CPEB3: variants seen among roughly 807,000 people sequenced by gnomAD.
CPEB3 encodes the protein cytoplasmic polyadenylation element-binding protein 3.
In CPEB3, 20 loss-of-function variants were observed where a neutral mutation model predicts 67.2. The ratio of observed to expected loss-of-function variants is 0.30; its 90% CI spans 0.21 to 0.43. The LOEUF is 0.43. Ranked by LOEUF, CPEB3 falls within the 20% of genes least tolerant of loss-of-function variation. CPEB3 has a pLI of 1.00. For synonymous variants in CPEB3, 376 were observed against 393.1 expected, an observed-to-expected ratio of 0.96 and a Z score of 0.51; for missense variants, 746 against 968.6, an observed-to-expected ratio of 0.77 and a Z score of 3.05.
At position 92,240,196 on chromosome 10, in the gene CPEB3, G is replaced by T. The variant is rs1362235512; in HGVS notation, c.155C>A (p.Ala52Glu). ...AGCGGCTGGGCTGAGGGCCGGCACT[G>T]CGCTGTTTTCCTCCGGCTTGGGGGT... ...SETPKPEENSAVPALSPAAAP... is the reference protein window; with the variant it reads ...SETPKPEENSEVPALSPAAAP... The change falls in exon 2 of 10, where the codon GCA (alanine) becomes GAA (glutamate). Residue 52 changes from alanine to glutamate, a missense_variant. Physicochemically the swap from Ala to Glu is moderately radical, Grantham distance 107. Transcript: ENST00000265997. 1 of 1,519,786 alleles carries T rather than the reference G, an allele frequency of 6.6e-7. No homozygotes were observed. Among genetic ancestry groups the T allele is most frequent in the East Asian group, 2.4e-5 (1 of 41,062 alleles). The allele number at this position is 1,519,786 out of a possible 1,614,324, so 94.1% of individuals were successfully genotyped here. A position where few individuals can be genotyped will look rare whatever the true frequency, so the allele number is the denominator to read the frequency against.
chr10:92,240,280 T>A lies in CPEB3; in HGVS notation c.71A>T (p.Gln24Leu), dbSNP rs1564900333. ...TACGCTGGACTCAGGTTGGGGCTGC[T>A]GCTGCTGCCGCTGCTGCTGCTGGGG... is the stretch of plus-strand genomic sequence containing the variant. ...PQPQQQQRQQ[Q>L]QPQPESSVSE... The change falls in exon 2 of 10, where the codon CAG becomes CTG. Residue 24 changes from glutamine to leucine, a missense_variant. This residue lies in a region of CPEB3 where 643 missense variants were observed against 717.5 expected (regional missense o/e 0.90). Coordinates refer to ENST00000265997, the MANE Select transcript of CPEB3 (RefSeq NM_014912.5). The A allele has an allele frequency of 1.5e-5, 23 of 1,517,386 alleles. No homozygotes were observed. The South Asian group carries it at 2.9e-4, about 19-fold the overall frequency. The allele number at this position is 1,517,386 out of a possible 1,614,324, so 94.0% of individuals were successfully genotyped here. A position where few individuals can be genotyped will look rare whatever the true frequency, so the allele number is the denominator to read the frequency against.
rs566644531 is a variant in CPEB3 at position 92,185,780 on chromosome 10, T to C, written c.1166-4761A>G. Among the ~76,000 whole-genome samples, 28 of 152,320 alleles carry C rather than the reference T, an allele frequency of 1.8e-4. No individual in the cohort carries two copies. The South Asian group carries it at 3.9e-3, about 21-fold the overall frequency. ...TACTGGGTTTTATTTCCCACTAACT[T>C]TCTCTATAAAGTTAGAGAGACATTG... is the stretch of plus-strand genomic sequence containing the variant. On this transcript the variant is annotated intron_variant, in intron 3 of 9. Coordinates refer to ENST00000265997, the MANE Select transcript of CPEB3 (RefSeq NM_014912.5).
At chr10:92,112,985 A>G (rs1844826875) in intron 6 of CPEB3, among the ~76,000 whole-genome samples, 1 of 152,232 alleles carries the variant, frequency 6.6e-6, no homozygotes, top group Admixed American at 6.5e-5. Flanking sequence ...GATAATGGCT[A>G]TTCGTTTTTA....
intron 7 of CPEB3, among the ~76,000 whole-genome samples, chr10:92,109,405 A>T (rs1844622047): frequency 6.6e-6 from 1 of 151,968 alleles, no homozygotes; most frequent in South Asian, 2.1e-4. Flanking sequence ...GGCACGTGCC[A>T]CCACCCCCAG....
intron 9 of CPEB3, among the ~76,000 whole-genome samples, chr10:92,061,175 T>C (rs1842328442): frequency 6.6e-6 from 1 of 152,040 alleles, no homozygotes; most frequent in African/African-American, 2.4e-5. Context: ...TCCCAGCACT[T>C]TGGGAGGCCA....
chr10:92,175,471 C>A (rs1848183676), intron 4 of CPEB3, among the ~76,000 whole-genome samples: 1 of 151,964 alleles, frequency 6.6e-6, no homozygotes, highest in Non-Finnish European at 1.5e-5. Flanking sequence ...AGAACTCCCG[C>A]ATCATATGAT....
chr10:92,073,642 CTTG>C (rs1384067017), intron 9 of CPEB3, among the ~76,000 whole-genome samples: 1 of 151,892 alleles, frequency 6.6e-6, no homozygotes, highest in Non-Finnish European at 1.5e-5. Context: ...AGATGAGGGT[CTTG>C]TTATGTTGCC....
rs1410207128 is a variant in CPEB3, at chr10:92,258,628, ATATATATATATATATATATATATATAT to A, written c.-11-18294_-11-18268del. On this transcript the variant is annotated intron_variant, in intron 1 of 9. Transcript: ENST00000265997. ...CAGACTTCAATTATATTTTTTGAAT[ATATATATATATATATATATATATATAT>A]ATATATATATATATATATATATATT... is the stretch of plus-strand genomic sequence containing the variant. Among the ~76,000 whole-genome samples, 33 of 84,186 alleles carry A rather than the reference ATATATATATATATATATATATATATAT, an allele frequency of 3.9e-4. 2 individuals carry two copies. The highest frequency in any genetic ancestry group is 1.2e-3 in the African/African-American group (22 of 17,942). The allele number at this position is 84,186 out of a possible 152,430, so 55.2% of individuals were successfully genotyped here. A position where few individuals can be genotyped will look rare whatever the true frequency, so the allele number is the denominator to read the frequency against.
chr10:92,282,765 A>C (rs548031653), intron 1 of CPEB3, among the ~76,000 whole-genome samples: 33 of 152,212 alleles, frequency 2.2e-4, no homozygotes, highest in Non-Finnish European at 4.4e-4. Flanking sequence ...GTCTCCTCTT[A>C]ATGTCCTTTA....
intron 1 of CPEB3, among the ~76,000 whole-genome samples, chr10:92,279,924 T>A (rs1842183796): frequency 6.6e-6 from 1 of 151,752 alleles, no homozygotes. Context: ...GGCATGAAAG[T>A]CACTTGAACC....
intron 1 of CPEB3, among the ~76,000 whole-genome samples, chr10:92,251,388 C>T (rs995163868): frequency 6.6e-5 from 10 of 151,974 alleles, no homozygotes; most frequent in Admixed American, 2.0e-4. Context: ...CTTCTCTCCT[C>T]TTCTCTCTCT....
intron 3 of CPEB3, among the ~76,000 whole-genome samples, chr10:92,189,279 T>C (rs556736822): frequency 6.6e-6 from 1 of 152,222 alleles, no homozygotes; most frequent in Non-Finnish European, 1.5e-5. Flanking sequence ...CCTTCAATAA[T>C]CACTACTTAT....
intron 2 of CPEB3, among the ~76,000 whole-genome samples, chr10:92,211,974 C>A (rs1407451467): frequency 6.6e-6 from 1 of 151,924 alleles, no homozygotes; most frequent in African/African-American, 2.4e-5. Context: ...TCAAGCAATT[C>A]TCCTGCCTCA....
intron 9 of CPEB3, among the ~76,000 whole-genome samples, chr10:92,053,404 G>GC (rs1332175277): frequency 1.3e-5 from 2 of 150,768 alleles, no homozygotes; most frequent in Non-Finnish European, 3.0e-5. Context: ...TCACTCTGTC[G>GC]CCAGGCTGGA....
intron 4 of CPEB3, among the ~76,000 whole-genome samples, chr10:92,166,583 G>A (rs1847756492): frequency 6.6e-6 from 1 of 152,162 alleles, no homozygotes; most frequent in African/African-American, 2.4e-5. Context: ...TTTTTCTTCT[G>A]AGCAGCAGGT....
chr10:92,158,132 T>TG (rs1203613880), intron 4 of CPEB3, among the ~76,000 whole-genome samples: 27 of 151,696 alleles, frequency 1.8e-4, no homozygotes, highest in Non-Finnish European at 3.1e-4. Context: ...AATTTAGAAA[T>TG]GAAAAAAAAA....
At chr10:92,225,525 A>G (rs550072268) in intron 2 of CPEB3, among the ~76,000 whole-genome samples, 3 of 152,214 alleles carry the variant, frequency 2.0e-5, no homozygotes, top group African/African-American at 7.2e-5. Context: ...ACAAAACAAA[A>G]AAAACAACAA....
intron 6 of CPEB3, among the ~76,000 whole-genome samples, chr10:92,128,914 C>G (rs1845717661): frequency 6.6e-6 from 1 of 152,206 alleles, no homozygotes; most frequent in Non-Finnish European, 1.5e-5. Context: ...TTAGTTCAGC[C>G]ATTGTGGAAA....
chr10:92,155,614 C>T (rs1258892433), intron 4 of CPEB3, among the ~76,000 whole-genome samples: 1 of 152,100 alleles, frequency 6.6e-6, no homozygotes, highest in African/African-American at 2.4e-5. Context: ...ATTTTCTGTC[C>T]GTTCTTTTTT....
Sources: allele counts gnomAD v4.1 joint callset (sites outside exome capture counted in the v4.1 genomes callset), GRCh38; gene constraint gnomAD v4.1.1; regional missense constraint gnomAD v4.1.1; transcripts MANE v1.5; gene names NCBI Gene and HGNC (gene_info 2026-07-23, HGNC 2026-07-21).